Variants in RNF216 observed in about 807,000 individuals in gnomAD.
The protein encoded by RNF216 is E3 ubiquitin-protein ligase RNF216.
A neutral mutation model predicts 110.8 loss-of-function variants in RNF216; 72 were observed. That is an observed-to-expected ratio of 0.65 (90% CI 0.54 to 0.79). RNF216 has a LOEUF of 0.79. Among genes scored for constraint, RNF216 ranks in the 30% least tolerant of loss-of-function variants. The pLI is 0.00. For synonymous variants in RNF216, 495 were observed against 407.5 expected (o/e 1.21, Z -2.59); for missense variants, 1,342 against 1,141.2 (o/e 1.18, Z -2.54).
intron 1 of RNF216, chr7:5,780,196 C>G (rs145782649): frequency 1.3e-5 from 2 of 152,172 alleles, no homozygotes; most frequent in African/African-American, 4.8e-5. Context: ...AATTCCGTTA[C>G]TAATTCATGG....
chr7:5,764,036 A>G (rs1265243007), intron 1 of RNF216, among the ~76,000 whole-genome samples: 3 of 151,790 alleles, frequency 2.0e-5, no homozygotes. Flanking sequence ...CTAAAAATAC[A>G]AGAAATTATC....
chr7:5,651,890 G>A (rs1374134783), intron 14 of RNF216, among the ~76,000 whole-genome samples: 2 of 152,020 alleles, frequency 1.3e-5, no homozygotes, highest in Non-Finnish European at 2.9e-5. Context: ...CTCGTGATCC[G>A]CCAGCCTCGG....
chr7:5,722,482 C>CG (rs1472829949), intron 8 of RNF216, among the ~76,000 whole-genome samples: 18 of 151,668 alleles, frequency 1.2e-4, no homozygotes, highest in African/African-American at 4.3e-4. Flanking sequence ...CTCCGCCCCC[C>CG]GGGGTTCACG....
chr7:5,622,615 G>T lies in RNF216; in HGVS notation c.*245C>A, dbSNP rs773614158. 14 of 500,668 alleles carry T rather than the reference G, an allele frequency of 2.8e-5. No individual in the cohort carries two copies. Among genetic ancestry groups the T allele is most frequent in the Non-Finnish European group, 4.6e-5 (13 of 281,846 alleles). The allele number at this position is 500,668 out of a possible 1,614,324, so 31.0% of individuals were successfully genotyped here. Reference sequence around the variant, plus strand: ...GACTGCCGTTGGTGGCCTGGGGGATGCGAGGGGAGGGGCAGTTCACATCGC... The same window carrying T: ...GACTGCCGTTGGTGGCCTGGGGGATTCGAGGGGAGGGGCAGTTCACATCGC... On this transcript the variant is annotated 3_prime_UTR_variant, in exon 17 of 17. Transcript: ENST00000389902.
rs1430648935 is a variant in RNF216 at position 5,721,068 on chromosome 7, C to G, written c.1609G>C (p.Glu537Gln). The change falls in exon 9 of 17, where the codon GAG (glutamate) becomes CAG (glutamine). Residue 537 changes from glutamate to glutamine, a missense_variant. Glu to Gln is a conservative substitution (Grantham distance 29, BLOSUM62 2). Coordinates refer to ENST00000389902, the MANE Select transcript of RNF216 (RefSeq NM_207111.4). ...ALLPAVQQEQ[E>Q]FYEQKIKEMA... is the part of the protein sequence containing the mutation. ...TCTTTGATTTTCTGCTCATAGAACT[C>G]CTGCTCTTGTTGCACAGCTGGAAGG... 6.2e-7 allele frequency: 1 copy of G among 1,614,206 alleles called. No individual in the cohort carries two copies. The highest frequency in any genetic ancestry group is 8.5e-7 in the Non-Finnish European group (1 of 1,180,024).
intron 7 of RNF216, among the ~76,000 whole-genome samples, chr7:5,728,450 T>C (rs1224082235): frequency 6.6e-6 from 1 of 151,844 alleles, no homozygotes; most frequent in Non-Finnish European, 1.5e-5. Context: ...GGTGAGCACC[T>C]ACAGTCCCAG....
chr7:5,658,749 T>A (rs1788908640), intron 13 of RNF216, among the ~76,000 whole-genome samples: 1 of 152,194 alleles, frequency 6.6e-6, no homozygotes, highest in South Asian at 2.1e-4. Context: ...TTAAATTTTC[T>A]GTATCTGTGT....
At chr7:5,747,416 A>G (rs751366257) in intron 3 of RNF216, among the ~76,000 whole-genome samples, 2 of 152,256 alleles carry the variant, frequency 1.3e-5, no homozygotes, top group Non-Finnish European at 2.9e-5. Context: ...GATGATATTC[A>G]GGACCTGACA....
chr7:5,770,539 G>A (rs1209849164), intron 1 of RNF216, among the ~76,000 whole-genome samples: 1 of 151,746 alleles, frequency 6.6e-6, no homozygotes, highest in Non-Finnish European at 1.5e-5. Context: ...GGGTGGGAAA[G>A]TTCAATTTTG....
At chr7:5,674,725 C>CG (rs1312384200) in intron 13 of RNF216, among the ~76,000 whole-genome samples, 2 of 152,090 alleles carry the variant, frequency 1.3e-5, no homozygotes, top group East Asian at 1.9e-4. Context: ...TTGTGCAAAG[C>CG]GGGGGGTCTT....
At chr7:5,739,176 C>T in intron 5 of RNF216, 100 bp downstream of exon 5, 1 of 1,325,944 alleles carries the variant, frequency 7.5e-7, no homozygotes, top group East Asian at 2.8e-5. Context: ...TTAACAACAC[C>T]AAATTGTATA....
chr7:5,774,130 T>C (rs1796647561), intron 1 of RNF216, among the ~76,000 whole-genome samples: 1 of 152,254 alleles, frequency 6.6e-6, no homozygotes, highest in South Asian at 2.1e-4. Context: ...TTTAACTCTC[T>C]GACACTCAAG....
At chr7:5,693,563 G>A (rs1791459752) in intron 13 of RNF216, among the ~76,000 whole-genome samples, 1 of 152,226 alleles carries the variant, frequency 6.6e-6, no homozygotes, top group Non-Finnish European at 1.5e-5. Context: ...AAGCCGGCAT[G>A]AAGAAGCCAA....
At position 5,680,096 on chromosome 7, in the gene RNF216, G is replaced by C. The variant is rs1372385757; in HGVS notation, c.2062-27586C>G. Among the ~76,000 whole-genome samples the C allele has an allele frequency of 2.0e-5, 3 of 152,110 alleles. No homozygotes were observed. The highest frequency in any genetic ancestry group is 1.5e-5 in the Non-Finnish European group (1 of 68,016). ...TGGATAGACTTCCTGCTGCAATCAG[G>C]AAGAAGTCCACGTTCTTCACACAAG... On this transcript the variant is annotated intron_variant, in intron 13 of 16. Transcript: ENST00000389902. This position sits in a 1 kb window ranked among gnomAD's most constrained non-coding sequence, Gnocchi z 4.3.
chr7:5,696,862 T>G lies in RNF216; in HGVS notation c.2061+14899A>C, dbSNP rs999850227. On this transcript the variant is annotated intron_variant, in intron 13 of 16. Transcript: ENST00000389902. This position sits in a 1 kb window ranked among gnomAD's most constrained non-coding sequence, Gnocchi z 5.4. ...CCATAGTGACTACATTGGCAAGGTG[T>G]TCCAATTCCCTTGATATTCTATATC... is the stretch of plus-strand genomic sequence containing the variant. 1.3e-5 allele frequency among the ~76,000 whole-genome samples: 2 copies of G among 152,142 alleles called. No individual in the cohort carries two copies. Among genetic ancestry groups the G allele is most frequent in the African/African-American group, 4.8e-5 (2 of 41,430 alleles).
At chr7:5,656,457 G>A (rs967303380) in intron 13 of RNF216, among the ~76,000 whole-genome samples, 4 of 152,162 alleles carry the variant, frequency 2.6e-5, no homozygotes, top group Admixed American at 6.5e-5. Flanking sequence ...TGGCCATCGC[G>A]CGGGACCACA....
chr7:5,740,931 G>T, intron 4 of RNF216, 42 bp downstream of exon 4: 2 of 1,510,508 alleles, frequency 1.3e-6, no homozygotes, highest in South Asian at 1.3e-5. Flanking sequence ...AAAAAACTCA[G>T]TATATGTAGT....
rs1250158642 is a variant in RNF216, at chr7:5,729,488, G to A, written c.1333C>T (p.Gln445Ter). The change falls in exon 7 of 17, where the codon CAG (glutamine) becomes TAG (stop). Residue 445 changes from glutamine (Q) to a stop codon, truncating the protein, a stop_gained. Coordinates refer to ENST00000389902, the MANE Select transcript of RNF216 (RefSeq NM_207111.4). LOFTEE classifies it high-confidence loss of function. Reference protein sequence around the residue: ...LMADFKVLSSQDIKWALHELK... With the variant: ...LMADFKVLSS The stretch of plus-strand genomic sequence containing the variant: ...TCGTGCAGGGCCCACTTGATGTCCT[G>A]ACTACTGAGCACTTTGAAGTCGGCC... 6.2e-7 allele frequency: 1 copy of A among 1,614,158 alleles called. No individual in the cohort carries two copies. Among genetic ancestry groups the A allele is most frequent in the Admixed American group, 1.7e-5 (1 of 60,022 alleles).
At chr7:5,681,424 C>T (rs1255612048) in intron 13 of RNF216, among the ~76,000 whole-genome samples, 2 of 152,170 alleles carry the variant, frequency 1.3e-5, no homozygotes, top group East Asian at 3.8e-4. Flanking sequence ...TGTGGATTAC[C>T]AAGTCCCCAG....
Sources: gnomAD v4.1 joint callset for allele counts (sites outside exome capture counted in the v4.1 genomes callset) on GRCh38, gnomAD v4.1.1 for gene constraint, Gnocchi (gnomAD v3.1) non-coding constraint, MANE v1.5 for transcripts, NCBI Gene and HGNC (gene_info 2026-07-23, HGNC 2026-07-21) for gene names.